Variants in MAST2 observed in about 807,000 individuals in gnomAD.
The protein encoded by MAST2 is microtubule associated serine/threonine kinase 2.
MAST2 carries 70 observed loss-of-function variants against 147.4 expected under a neutral mutation model. That is an observed-to-expected ratio of 0.47 (90% CI 0.39 to 0.58). The LOEUF is 0.58. MAST2 is among the 20% of genes least tolerant of loss of function. The probability of loss-of-function intolerance (pLI) is 0.00; values close to 1 mark genes in which losing one functional copy is unlikely to be tolerated. For synonymous variants in MAST2, 869 were observed against 896.8 expected (o/e 0.97, Z 0.55); for missense variants, 2,080 against 2,302.3 (o/e 0.90, Z 1.98).
At chr1:45,892,310 G>A (rs1467558446) in intron 4 of MAST2, among the ~76,000 whole-genome samples, 1 of 152,156 alleles carries the variant, frequency 6.6e-6, no homozygotes, top group Non-Finnish European at 1.5e-5. Context: ...ATTTAGGAAT[G>A]TTTCATTTTA....
chr1:45,853,424 G>A (rs6429581), intron 3 of MAST2, among the ~76,000 whole-genome samples: 43,286 of 151,414 alleles, frequency 0.29, 6,311 homozygotes, highest in South Asian at 0.39. Flanking sequence ...GCTCGATCTC[G>A]GCTCACGGCA....
chr1:45,988,704 G>T (rs56108122), intron 5 of MAST2, among the ~76,000 whole-genome samples: 6,291 of 152,158 alleles, frequency 0.041, 208 homozygotes, highest in Non-Finnish European at 0.055. Flanking sequence ...TTATTATCTA[G>T]ATCAGACTGT....
At position 45,829,498 on chromosome 1, in the gene MAST2, C is replaced by T. The variant is rs1380854174; in HGVS notation, c.385C>T (p.Gln129Ter). ...VHSSVGQVTW[Q>*]SSGEASNLVR... ...TAGCAGTGTGGGACAGGTGACTTGG[C>T]AGTCGTCAGGAGAAGCATCAAACCT... is the stretch of plus-strand genomic sequence containing the variant. The change falls in exon 3 of 29, where the codon CAG becomes TAG. Residue 129 changes from glutamine (Q) to a stop codon, truncating the protein, a stop_gained. Transcript: ENST00000361297. LOFTEE classifies it high-confidence loss of function. 6.2e-7 allele frequency: 1 copy of T among 1,614,156 alleles called. No homozygotes were observed. Among genetic ancestry groups the T allele is most frequent in the East Asian group, 2.2e-5 (1 of 44,890 alleles).
At chr1:46,021,861 T>A (rs1646196987) in intron 11 of MAST2, 89 bp from the exon 12 acceptor site, 1 of 1,279,990 alleles carries the variant, frequency 7.8e-7, no homozygotes, top group Non-Finnish European at 1.1e-6. Context: ...GTCTTGTTCA[T>A]CTCAGTCTAC....
At chr1:46,011,316 C>G (rs971951128) in intron 10 of MAST2, among the ~76,000 whole-genome samples, 1 of 152,292 alleles carries the variant, frequency 6.6e-6, no homozygotes, top group South Asian at 2.1e-4. Context: ...TTAAGCAGAG[C>G]CTTCAGACTA....
intron 16 of MAST2, among the ~76,000 whole-genome samples, chr1:46,026,353 G>A (rs1646409569): frequency 6.6e-6 from 1 of 152,214 alleles, no homozygotes; most frequent in African/African-American, 2.4e-5. Flanking sequence ...ACTACAAATA[G>A]TGCAATATGG....
chr1:45,847,512 T>C, intron 3 of MAST2: 1 of 802,098 alleles, frequency 1.2e-6, no homozygotes, highest in Non-Finnish European at 2.0e-6. Context: ...TTTTTCTTAT[T>C]TGTGGGCCTC....
chr1:45,931,673 T>C (rs968018870), intron 4 of MAST2, among the ~76,000 whole-genome samples: 1 of 151,984 alleles, frequency 6.6e-6, no homozygotes, highest in Non-Finnish European at 1.5e-5. Flanking sequence ...TGTTTTTTTT[T>C]AGTAGAGACA....
At chr1:45,949,975 A>G (rs1658690898) in intron 4 of MAST2, among the ~76,000 whole-genome samples, 2 of 152,186 alleles carry the variant, frequency 1.3e-5, no homozygotes, top group African/African-American at 4.8e-5. Context: ...ACAGGAAACC[A>G]AATACCGCAT....
intron 1 of MAST2, among the ~76,000 whole-genome samples, chr1:45,812,623 T>A (rs770127386): frequency 3.3e-5 from 5 of 151,998 alleles, no homozygotes; most frequent in Non-Finnish European, 4.4e-5. Context: ...ACTAGGTTTC[T>A]CCATGTTGGT....
At chr1:45,930,363 G>A (rs1217162100) in intron 4 of MAST2, among the ~76,000 whole-genome samples, 2 of 150,444 alleles carry the variant, frequency 1.3e-5, no homozygotes, top group South Asian at 2.1e-4. Context: ...ACAGATGTGA[G>A]CCACCGCGCC....
At chr1:45,832,849 G>T (rs1390968168) in intron 3 of MAST2, among the ~76,000 whole-genome samples, 1 of 151,946 alleles carries the variant, frequency 6.6e-6, no homozygotes, top group Non-Finnish European at 1.5e-5. Flanking sequence ...GTATTTTTTG[G>T]TGTATTTCAC....
chr1:46,006,331 G>C lies in MAST2; in HGVS notation c.838G>C (p.Glu280Gln). Reference protein sequence around the residue: ...LHFLTKHFSTESVPDEEGRQS... With the variant: ...LHFLTKHFSTQSVPDEEGRQS... ...CTTTTTGACGAAGCATTTCAGCACA[G>C]AGAGCGTACCAGATGAGGAAGGACG... Residue 280 changes from glutamate (E) to glutamine (Q), a missense_variant, in exon 8 of 29, where the codon GAG becomes CAG. Around this residue, in one of 4 missense-constraint regions of MAST2, gnomAD observed 569 missense variants for 642.5 expected, o/e 0.89. Coordinates refer to ENST00000361297, the MANE Select transcript of MAST2 (RefSeq NM_015112.3). 1 of 1,614,086 alleles carries C rather than the reference G, an allele frequency of 6.2e-7. No individual in the cohort carries two copies. The highest frequency in any genetic ancestry group is 2.2e-5 in the East Asian group (1 of 44,876).
At chr1:45,924,532 T>C (rs4660897) in intron 4 of MAST2, among the ~76,000 whole-genome samples, 152,244 of 152,256 alleles carry the variant, frequency 1, 76,116 homozygotes, top group Middle Eastern at 1. Context: ...CTGCCCACCT[T>C]GGCATCTGCA....
intron 3 of MAST2, among the ~76,000 whole-genome samples, chr1:45,850,735 G>C (rs1645597690): frequency 6.6e-6 from 1 of 151,360 alleles, no homozygotes; most frequent in Non-Finnish European, 1.5e-5. Flanking sequence ...TATTTTTGTT[G>C]ACTTTGCTAA....
intron 4 of MAST2, among the ~76,000 whole-genome samples, chr1:45,921,010 G>A (rs183597611): frequency 5.9e-5 from 9 of 152,234 alleles, no homozygotes; most frequent in Admixed American, 5.9e-4. Flanking sequence ...TTGTTTGTTT[G>A]TTTGAGACGG....
chr1:45,938,476 A>G (rs1206270040), intron 4 of MAST2, among the ~76,000 whole-genome samples: 2 of 152,038 alleles, frequency 1.3e-5, no homozygotes, highest in Non-Finnish European at 2.9e-5. Flanking sequence ...GGTGCACACC[A>G]CCATACCCAG....
chr1:45,981,032 C>T (rs1644386399), intron 5 of MAST2, among the ~76,000 whole-genome samples: 1 of 152,076 alleles, frequency 6.6e-6, no homozygotes, highest in South Asian at 2.1e-4. Context: ...TGAAATCAGC[C>T]TCCCCCACAT....
At chr1:46,011,098 T>G in intron 10 of MAST2, 159 bp downstream of exon 10, 1 of 633,726 alleles carries the variant, frequency 1.6e-6, no homozygotes, top group Admixed American at 2.7e-5. Flanking sequence ...TCCTCCTCAG[T>G]CCCCTGCAAT....
Sources: allele counts gnomAD v4.1 joint callset (sites outside exome capture counted in the v4.1 genomes callset), GRCh38; gene constraint gnomAD v4.1.1; regional missense constraint gnomAD v4.1.1; transcripts MANE v1.5; gene names NCBI Gene and HGNC (gene_info 2026-07-23, HGNC 2026-07-21).